Variants in MGST1 observed in about 807,000 individuals in gnomAD.
The protein encoded by MGST1 is microsomal glutathione S-transferase 1.
In MGST1, 5 loss-of-function variants were observed where a neutral mutation model predicts 8.9. That is an observed-to-expected ratio of 0.56 (90% CI 0.29 to 1.19). The LOEUF (loss-of-function observed/expected upper bound fraction) is 1.19. Ranked by LOEUF, MGST1 falls within the 50% of genes most tolerant of loss-of-function variation. The pLI is 0.08. For synonymous variants in MGST1, 54 were observed against 67.8 expected (o/e 0.80, Z 1.00); for missense variants, 182 against 187.4 (o/e 0.97, Z 0.17).
rs149308797 is a variant in MGST1 at position 16,384,978 on chromosome 12, C to T, written n.778+1374C>T. 3.4e-3 allele frequency among the ~76,000 whole-genome samples: 519 copies of T among 152,168 alleles called. 4 individuals are homozygous for T. The highest frequency in any genetic ancestry group is 0.014 in the Middle Eastern group (4 of 294). Reference sequence around the variant, plus strand: ...GACTATAGGTGGAGTTGTAGAGTAACGGTAGAGGCCAAAGAAGGAACAGGA... The same window carrying T: ...GACTATAGGTGGAGTTGTAGAGTAATGGTAGAGGCCAAAGAAGGAACAGGA... On this transcript the variant is annotated intron_variant and non_coding_transcript_variant, in intron 1 of 1. Coordinates refer to the MGST1 transcript ENST00000359720.
intron 4 of MGST1, among the ~76,000 whole-genome samples, chr12:16,509,196 C>A (rs1941560021): frequency 2.0e-5 from 3 of 151,804 alleles, no homozygotes; most frequent in Admixed American, 6.6e-5. Flanking sequence ...TTTTTTAATG[C>A]CTTAAGACAG....
chr12:16,399,647 G>A (rs1024242692), intron 1 of MGST1: 355 of 1,595,324 alleles, frequency 2.2e-4, no homozygotes, highest in Non-Finnish European at 2.9e-4. Context: ...TCCCCTCATC[G>A]TCAGGCTCCA....
At chr12:16,496,024 T>C (rs1240772483) in intron 4 of MGST1, among the ~76,000 whole-genome samples, 2 of 152,084 alleles carry the variant, frequency 1.3e-5, no homozygotes, top group Non-Finnish European at 1.5e-5. Context: ...GGGATATGGA[T>C]GTGTAACAAG....
chr12:16,535,018 T>A (rs1013580603), intron 4 of MGST1, among the ~76,000 whole-genome samples: 1 of 152,176 alleles, frequency 6.6e-6, no homozygotes, highest in Non-Finnish European at 1.5e-5. Flanking sequence ...AGATCCCAGC[T>A]CATGACACTG....
intron 1 of MGST1, among the ~76,000 whole-genome samples, chr12:16,411,185 T>C (rs918089): frequency 0.08 from 12,250 of 152,290 alleles, 722 homozygotes; most frequent in South Asian, 0.12. Context: ...TCTTTGCCTG[T>C]CTTCATGTAG....
At chr12:16,379,499 C>T (rs1363657501), downstream of MGST1, among the ~76,000 whole-genome samples, 1 of 152,128 alleles carries the variant, frequency 6.6e-6, no homozygotes, top group Non-Finnish European at 1.5e-5. Context: ...GGATGAAGCC[C>T]ACTTGATCAT....
intron 4 of MGST1, chr12:16,551,154 G>A (rs964454173): frequency 1.0e-6 from 1 of 1,003,958 alleles, no homozygotes; most frequent in Non-Finnish European, 1.6e-6. Flanking sequence ...CAATTCTTAT[G>A]TACATGTGGA....
At chr12:16,391,477 T>A (rs1341258351) in intron 1 of MGST1, among the ~76,000 whole-genome samples, 4 of 152,184 alleles carry the variant, frequency 2.6e-5, no homozygotes, top group Non-Finnish European at 5.9e-5. Flanking sequence ...TCACCCATGT[T>A]CCTGCAAAGG....
At chr12:16,510,120 T>G (rs992081214) in intron 4 of MGST1, among the ~76,000 whole-genome samples, 2 of 152,232 alleles carry the variant, frequency 1.3e-5, no homozygotes, top group Admixed American at 6.5e-5. Flanking sequence ...AATCCTGGCT[T>G]CTTCTTGCTG....
rs907431663 is a variant in MGST1, at chr12:16,409,958, T to C, written n.778+26354T>C. Among the ~76,000 whole-genome samples the C allele has an allele frequency of 6.6e-5, 10 of 152,250 alleles. No individual in the cohort carries two copies. In the East Asian group the frequency reaches 1.5e-3, roughly 24 times the overall value. On this transcript the variant is annotated intron_variant and non_coding_transcript_variant, in intron 1 of 1. Transcript: ENST00000359720. Reference sequence around the variant, plus strand: ...ACAAATTTGAAAGAGAAAAAATACTTGTTTTATGTTATCTCAGAGATAAAT... The same window carrying C: ...ACAAATTTGAAAGAGAAAAAATACTCGTTTTATGTTATCTCAGAGATAAAT...
At chr12:16,454,236 T>A (rs1222875244) in intron 4 of MGST1, among the ~76,000 whole-genome samples, 1 of 151,932 alleles carries the variant, frequency 6.6e-6, no homozygotes, top group Non-Finnish European at 1.5e-5. Flanking sequence ...ACAAATGATT[T>A]CATTTAGGAA....
chr12:16,493,485 A>G (rs191058272), intron 4 of MGST1, among the ~76,000 whole-genome samples: 3 of 152,294 alleles, frequency 2.0e-5, no homozygotes, highest in Admixed American at 2.0e-4. Context: ...ATTCTGATGC[A>G]TTAAAGGTTG....
At chr12:16,524,988 A>T (rs1458380290) in intron 4 of MGST1, among the ~76,000 whole-genome samples, 1 of 151,464 alleles carries the variant, frequency 6.6e-6, no homozygotes, top group Non-Finnish European at 1.5e-5. Flanking sequence ...CCTTTATCTT[A>T]TGGATGAGAA....
At chr12:16,377,801 G>T (rs571432952), downstream of MGST1, among the ~76,000 whole-genome samples, 35 of 151,660 alleles carry the variant, frequency 2.3e-4, no homozygotes, top group Non-Finnish European at 4.9e-4. Flanking sequence ...ATCCTCTCCA[G>T]CACCTGTTGT....
At chr12:16,360,980 T>TCCCCCCCC (rs4149217) in intron 3 of MGST1, among the ~76,000 whole-genome samples, 3 of 144,128 alleles carry the variant, frequency 2.1e-5, no homozygotes, top group Non-Finnish European at 3.0e-5. Flanking sequence ...TTTATAGTGT[T>TCCCCCCCC]CCCCCCCTCC....
intron 1 of MGST1, among the ~76,000 whole-genome samples, chr12:16,387,023 A>G (rs775844740): frequency 1.3e-5 from 2 of 152,214 alleles, no homozygotes; most frequent in Non-Finnish European, 2.9e-5. Context: ...CAAGAGTAGT[A>G]ATGCTGGCAT....
At chr12:16,479,392 G>A (rs2137142786) in intron 4 of MGST1, among the ~76,000 whole-genome samples, 2 of 150,610 alleles carry the variant, frequency 1.3e-5, no homozygotes, top group East Asian at 2.0e-4. Flanking sequence ...CCGCCACCAC[G>A]CCCGGCTAAT....
chr12:16,521,625 A>C (rs188758182), intron 4 of MGST1, among the ~76,000 whole-genome samples: 124 of 152,230 alleles, frequency 8.1e-4, no homozygotes, highest in Non-Finnish European at 5.9e-5. Context: ...AATCTACCAA[A>C]GCTTTTGTGT....
intron 4 of MGST1, among the ~76,000 whole-genome samples, chr12:16,528,048 T>G (rs185402153): frequency 1.3e-5 from 2 of 152,050 alleles, no homozygotes; most frequent in Admixed American, 1.3e-4. Flanking sequence ...ATTCTGCTAC[T>G]GAGTCTGTGA....
Sources: gnomAD v4.1 joint callset for allele counts (sites outside exome capture counted in the v4.1 genomes callset) on GRCh38, gnomAD v4.1.1 for gene constraint, MANE v1.5 for transcripts, NCBI Gene and HGNC (gene_info 2026-07-23, HGNC 2026-07-21) for gene names.